GNA11: variants seen among roughly 807,000 people sequenced by gnomAD.
GNA11 encodes G protein subunit alpha 11, also known as guanine nucleotide-binding protein subunit alpha-11.
In GNA11, 8 loss-of-function variants were observed where a neutral mutation model predicts 38.2. The ratio of observed to expected loss-of-function variants is 0.21; its 90% CI spans 0.12 to 0.38. The LOEUF is 0.38. Ranked by LOEUF, GNA11 falls within the 10% of genes least tolerant of loss-of-function variation. GNA11 has a pLI of 1.00. For synonymous variants in GNA11, 211 were observed against 221.4 expected (o/e 0.95, Z 0.42); for missense variants, 268 against 516.3 (o/e 0.52, Z 4.66).
intron 1 of GNA11, among the ~76,000 whole-genome samples, chr19:3,097,348 G>T (rs969308935): frequency 6.6e-6 from 1 of 152,242 alleles, no homozygotes; most frequent in Admixed American, 6.5e-5. Flanking sequence ...AGCAGTGGGG[G>T]CTCCATCCCT....
In GNA11 at chr19:3,103,519, C is replaced by CTTTTTTTTTTTTTTTTTTTTTTTTT. The variant is rs760497682; in HGVS notation, c.137-6623_137-6599dup. 6.6e-5 allele frequency among the ~76,000 whole-genome samples: 3 copies of CTTTTTTTTTTTTTTTTTTTTTTTTT among 45,800 alleles called. 1 individual carries two copies. Among genetic ancestry groups the CTTTTTTTTTTTTTTTTTTTTTTTTT allele is most frequent in the Non-Finnish European group, 1.2e-4 (3 of 25,134 alleles). The allele number at this position is 45,800 out of a possible 152,430, so 30.0% of individuals were successfully genotyped here. ...TGAGCCACTGCGCCCGGCCTTGAAT[C>CTTTTTTTTTTTTTTTTTTTTTTTTT]TTTTTTTTTTTTTTTTTTTTTTTTT... On this transcript the variant is annotated intron_variant, in intron 1 of 6. Coordinates refer to ENST00000078429, the MANE Select transcript of GNA11 (RefSeq NM_002067.5).
In GNA11 at chr19:3,121,110, C is replaced by G. The variant is rs1356009409; in HGVS notation, c.1011C>G (p.Ile337Met). The G allele has an allele frequency of 6.2e-7, 1 of 1,613,696 alleles. No homozygotes were observed. The highest frequency in any genetic ancestry group is 8.5e-7 in the Non-Finnish European group (1 of 1,179,824). The change falls in exon 7 of 7, where the codon ATC (isoleucine) becomes ATG (methionine). Residue 337 changes from isoleucine to methionine, a missense_variant. Transcript: ENST00000078429. The part of the protein sequence containing the change: ...HFTCATDTEN[I>M]RFVFAAVKDT... ...CGTGTGCCACCGACACGGAGAACAT[C>G]CGCTTCGTGTTCGCGGCCGTGAAGG...
rs902441750 is a variant in GNA11, at chr19:3,115,268, G to C, written c.605+196G>C. 1.1e-5 allele frequency: 6 copies of C among 549,386 alleles called. No individual in the cohort carries two copies. In the Middle Eastern group the frequency reaches 1.5e-3, roughly 135 times the overall value. 34.0% of individuals were successfully genotyped at this position (549,386 alleles called of 1,614,324 possible). On this transcript the variant is annotated intron_variant, in intron 4 of 6. Transcript: ENST00000078429. Reference sequence around the variant, plus strand: ...AAAATTTTAAAAATTAGCTGGGCGTGGTTGTGTGCACCTGTGGTCCCAGCT... The same window carrying C: ...AAAATTTTAAAAATTAGCTGGGCGTCGTTGTGTGCACCTGTGGTCCCAGCT...
chr19:3,103,875 C>T (rs533518527), intron 1 of GNA11, among the ~76,000 whole-genome samples: 6 of 151,944 alleles, frequency 3.9e-5, no homozygotes, highest in Non-Finnish European at 8.8e-5. Context: ...TTAGTGGAGA[C>T]GCGGTTTCAC....
intron 1 of GNA11, among the ~76,000 whole-genome samples, chr19:3,100,427 C>T (rs1913473509): frequency 6.6e-6 from 1 of 152,256 alleles, no homozygotes; most frequent in South Asian, 2.1e-4. Context: ...CCCTGCTTCC[C>T]TGCCCATGTC....
chr19:3,113,882 C>T (rs1913842581), intron 3 of GNA11, among the ~76,000 whole-genome samples: 1 of 152,178 alleles, frequency 6.6e-6, no homozygotes, highest in Non-Finnish European at 1.5e-5. Context: ...GGGACATCGT[C>T]CCCAGAGCCA....
rs370690074 is a variant in GNA11, at chr19:3,119,392, C to T, written c.889+33C>T. On this transcript the variant is annotated intron_variant, in intron 6 of 6. Transcript: ENST00000078429. This position sits in a 1 kb window ranked among gnomAD's most constrained non-coding sequence, Gnocchi z 4.6. Reference sequence around the variant, plus strand: ...GGGCTGCGGCATGGGGAGGGGCTCGCGGGCAGGGCCTTACTGGGGGGAGGG... The same window carrying T: ...GGGCTGCGGCATGGGGAGGGGCTCGTGGGCAGGGCCTTACTGGGGGGAGGG... The T allele has an allele frequency of 2.2e-4, 346 of 1,597,184 alleles. No individual in the cohort carries two copies. Among genetic ancestry groups the T allele is most frequent in the Non-Finnish European group, 2.8e-4 (329 of 1,170,570 alleles).
In GNA11 at chr19:3,094,867, C is replaced by A; in HGVS notation, c.136+80C>A. The A allele has an allele frequency of 8.9e-7, 1 of 1,126,650 alleles. No individual in the cohort carries two copies. The highest frequency in any genetic ancestry group is 1.2e-6 in the Non-Finnish European group (1 of 845,678). 69.8% of individuals were successfully genotyped at this position (1,126,650 alleles called of 1,614,324 possible). A position where few individuals can be genotyped will look rare whatever the true frequency, so the allele number is the denominator to read the frequency against. On this transcript the variant is annotated intron_variant, in intron 1 of 6. Transcript: ENST00000078429. This position sits in a 1 kb window ranked among gnomAD's most constrained non-coding sequence, Gnocchi z 6.0. ...CCTGCCTGTCCGGGTCGGGCCGGGA[C>A]CCTCCGGGGTCAGCCCTGCCTGTGC...
intron 1 of GNA11, among the ~76,000 whole-genome samples, chr19:3,103,629 G>A (rs986074111): frequency 5.9e-5 from 8 of 135,988 alleles, no homozygotes; most frequent in African/African-American, 1.4e-4. Context: ...GGGTTCAAGC[G>A]TTTCTCCTGC....
chr19:3,106,731 C>T (rs1334082302), intron 1 of GNA11, among the ~76,000 whole-genome samples: 1 of 152,012 alleles, frequency 6.6e-6, no homozygotes, highest in Admixed American at 6.5e-5. Context: ...CACGTGTGTG[C>T]TGATGTACAT....
rs1189326742 is a variant in GNA11, at chr19:3,113,318, C to T, written c.322-12C>T. 3 of 1,609,084 alleles carry T rather than the reference C, an allele frequency of 1.9e-6. No individual in the cohort carries two copies. The highest frequency in any genetic ancestry group is 2.5e-6 in the Non-Finnish European group (3 of 1,179,226). On this transcript the variant is annotated splice_polypyrimidine_tract_variant and intron_variant, in intron 2 of 6. Transcript: ENST00000078429. Reference sequence around the variant, plus strand: ...AGCGAGCTCTCGACGTCTCCCCTGCCCGCCCTCGCAGGCCAATGCGCTCCT... The same window carrying T: ...AGCGAGCTCTCGACGTCTCCCCTGCTCGCCCTCGCAGGCCAATGCGCTCCT...
At chr19:3,115,793 G>A (rs1913899613) in intron 4 of GNA11, among the ~76,000 whole-genome samples, 1 of 117,966 alleles carries the variant, frequency 8.5e-6, no homozygotes, top group Non-Finnish European at 1.7e-5. Flanking sequence ...GGAGGGGGGG[G>A]GTCACGGGGA....
At chr19:3,111,560 A>G (rs1258680547) in intron 2 of GNA11, among the ~76,000 whole-genome samples, 1 of 151,910 alleles carries the variant, frequency 6.6e-6, no homozygotes, top group Non-Finnish European at 1.5e-5. Flanking sequence ...TTGCCCATTT[A>G]TCCCCTGGAG....
intron 3 of GNA11, 34 bp from the exon 4 acceptor site, chr19:3,114,910 G>A (rs1255698077): frequency 1.3e-6 from 2 of 1,572,376 alleles, no homozygotes; most frequent in Non-Finnish European, 8.7e-7. Context: ...CCCACCCCCG[G>A]CAGCCGGCCT....
Position 3,113,444 on chromosome 19 carries a change from G to T in GNA11, c.436G>T (p.Asp146Tyr). The T allele has an allele frequency of 1.2e-6, 2 of 1,612,040 alleles. No individual in the cohort carries two copies. The highest frequency in any genetic ancestry group is 2.7e-5 in the African/African-American group (2 of 75,014). Residue 146 changes from aspartate to tyrosine, a missense_variant, in exon 3 of 7, where the codon GAC (aspartate) becomes TAC (tyrosine). Coordinates refer to ENST00000078429, the MANE Select transcript of GNA11 (RefSeq NM_002067.5). ...GGACCCGGGCATCCAGGAATGCTAC[G>T]ACCGCAGGCGCGAGTACCAGCTCTC... ...WEDPGIQECY[D>Y]RRREYQLSDS... is the part of the protein sequence containing the mutation.
intron 4 of GNA11, chr19:3,115,425 G>T: frequency 4.6e-6 from 1 of 218,388 alleles, no homozygotes; most frequent in Non-Finnish European, 9.2e-6. Context: ...ACAAAAGAAA[G>T]CCCATTGGTC....
intron 4 of GNA11, among the ~76,000 whole-genome samples, chr19:3,116,131 G>C (rs1219969679): frequency 1.3e-5 from 2 of 152,090 alleles, no homozygotes; most frequent in African/African-American, 4.8e-5. Flanking sequence ...GGGCCGGCCA[G>C]CAGAGCCGGG....
chr19:3,103,477 T>C (rs1029099696), intron 1 of GNA11, among the ~76,000 whole-genome samples: 1 of 144,592 alleles, frequency 6.9e-6, no homozygotes, highest in Non-Finnish European at 1.5e-5. Flanking sequence ...CCTCCCAAAG[T>C]GCTGGGATTA....
chr19:3,104,389 A>T (rs1435799845), intron 1 of GNA11, among the ~76,000 whole-genome samples: 1 of 152,046 alleles, frequency 6.6e-6, no homozygotes, highest in African/African-American at 2.4e-5. Context: ...GTACCTGAGG[A>T]TGTACCTCCT....
Sources: gnomAD v4.1 joint callset for allele counts (sites outside exome capture counted in the v4.1 genomes callset) on GRCh38, gnomAD v4.1.1 for gene constraint, Gnocchi (gnomAD v3.1) non-coding constraint, MANE v1.5 for transcripts, NCBI Gene and HGNC (gene_info 2026-07-23, HGNC 2026-07-21) for gene names.